The following GNAT3 variants were observed in gnomAD, a reference collection of about 807,000 sequenced individuals.
GNAT3 encodes guanine nucleotide-binding protein G(t) subunit alpha-3.
Under a neutral mutation model 37.7 loss-of-function variants are expected in GNAT3, and 31 were observed. The observed-to-expected ratio is 0.82, with a 90% confidence interval of 0.62 to 1.11. GNAT3 has a LOEUF of 1.11. GNAT3 is among the 50% of genes most tolerant of loss of function. The pLI, the probability that GNAT3 is intolerant of heterozygous loss-of-function variation, is 0.00. For synonymous variants in GNAT3, 138 were observed against 139.8 expected (o/e 0.99, Z 0.09); for missense variants, 437 against 412.5 (o/e 1.06, Z -0.51).
At chr7:80,471,577 C>T (rs919383454) in intron 5 of GNAT3, among the ~76,000 whole-genome samples, 1 of 151,902 alleles carries the variant, frequency 6.6e-6, no homozygotes, top group Non-Finnish European at 1.5e-5. Flanking sequence ...AAGATAGTTC[C>T]CCAAAAGGCT....
At chr7:80,490,796 G>A (rs111467128) in intron 2 of GNAT3, among the ~76,000 whole-genome samples, 2,867 of 152,266 alleles carry the variant, frequency 0.019, 82 homozygotes, top group African/African-American at 0.065. Flanking sequence ...CAGTTAGTTT[G>A]TGATACACCT....
chr7:80,458,851 T>C lies in GNAT3; in HGVS notation c.885A>G (p.Thr295=). 1 of 1,580,390 alleles carries C rather than the reference T, an allele frequency of 6.3e-7. No homozygotes were observed. Among genetic ancestry groups the C allele is most frequent in the South Asian group, 1.2e-5 (1 of 84,416 alleles). The change falls in exon 8 of 8, where the codon ACA becomes ACG. Residue 295 remains threonine, a synonymous_variant. Coordinates refer to ENST00000398291, the MANE Select transcript of GNAT3 (RefSeq NM_001102386.3). Reference sequence around the variant, plus strand: ...TGATGTAGTTTCCTGCATCTTCAAATGTATTTGGCCCTTGTTAAACAAAAT... The same window carrying C: ...TGATGTAGTTTCCTGCATCTTCAAACGTATTTGGCCCTTGTTAAACAAAAT... ...ICFPEYTGPN[T]FEDAGNYIKN...
chr7:80,502,421 A>G (rs1386051249), intron 1 of GNAT3, among the ~76,000 whole-genome samples: 8 of 152,084 alleles, frequency 5.3e-5, no homozygotes. Flanking sequence ...ACAAAATTAC[A>G]TGATTTTTCC....
At chr7:80,479,132 C>T (rs999844714) in intron 3 of GNAT3, 134 bp from the exon 4 acceptor site, 4 of 693,050 alleles carry the variant, frequency 5.8e-6, no homozygotes, top group Non-Finnish European at 6.9e-6. Flanking sequence ...TCTTTTTGAA[C>T]TATATTGAGG....
At chr7:80,466,419 A>C (rs1287492043) in intron 5 of GNAT3, among the ~76,000 whole-genome samples, 1 of 152,112 alleles carries the variant, frequency 6.6e-6, no homozygotes, top group Non-Finnish European at 1.5e-5. Flanking sequence ...TCACATCTTA[A>C]AAGTCTGAGA....
At chr7:80,469,950 T>C (rs1307503528) in intron 5 of GNAT3, among the ~76,000 whole-genome samples, 1 of 152,190 alleles carries the variant, frequency 6.6e-6, no homozygotes, top group African/African-American at 2.4e-5. Flanking sequence ...TAATTTTAAA[T>C]AGCTCCTCAA....
At chr7:80,470,852 A>T (rs907445312) in intron 5 of GNAT3, among the ~76,000 whole-genome samples, 1 of 151,834 alleles carries the variant, frequency 6.6e-6, no homozygotes, top group Non-Finnish European at 1.5e-5. Context: ...GTTATATTCT[A>T]CTCTGTGATG....
intron 3 of GNAT3, among the ~76,000 whole-genome samples, chr7:80,485,886 C>G (rs1790470119): frequency 6.6e-6 from 1 of 152,090 alleles, no homozygotes; most frequent in Non-Finnish European, 1.5e-5. Context: ...TCTGTGGAAG[C>G]AGACACTGAA....
At chr7:80,464,950 G>T (rs934443084) in intron 5 of GNAT3, among the ~76,000 whole-genome samples, 2 of 152,022 alleles carry the variant, frequency 1.3e-5, no homozygotes, top group Non-Finnish European at 2.9e-5. Context: ...TGTGTATAAA[G>T]AATATTATAT....
rs1464789004 is a variant in GNAT3 at position 80,462,208 on chromosome 7, T to G, written c.825A>C (p.Gln275His). The change falls in exon 7 of 8, where the codon CAA (glutamine) becomes CAC (histidine). Residue 275 changes from glutamine to histidine, a missense_variant. By Grantham distance (24) the Gln-to-His change is conservative. Transcript: ENST00000398291. ...TAAGATGCACCTTGGTTACCTTTTCTTGAAAGATATCTTTTTTGTTGAGGA... is the reference window on the plus strand; with the variant it reads ...TAAGATGCACCTTGGTTACCTTTTCGTGAAAGATATCTTTTTTGTTGAGGA... Reference protein sequence around the residue: ...VLFLNKKDIFQEKVTKVHLSI... With the variant: ...VLFLNKKDIFHEKVTKVHLSI... 2 of 1,601,896 alleles carry G rather than the reference T, an allele frequency of 1.2e-6. No individual in the cohort carries two copies. The highest frequency in any genetic ancestry group is 2.7e-5 in the African/African-American group (2 of 74,824).
chr7:80,466,027 G>C (rs910758953), intron 5 of GNAT3, among the ~76,000 whole-genome samples: 1 of 151,952 alleles, frequency 6.6e-6, no homozygotes, highest in Non-Finnish European at 1.5e-5. Context: ...CCCCACCCAC[G>C]GGGTTTTTAA....
intron 1 of GNAT3, among the ~76,000 whole-genome samples, chr7:80,501,307 C>G (rs1232999511): frequency 2.6e-5 from 4 of 151,950 alleles, no homozygotes; most frequent in Non-Finnish European, 5.9e-5. Context: ...TGTTTGCTTT[C>G]TTTCTCATAT....
In GNAT3 at chr7:80,494,630, T is replaced by C; in HGVS notation, c.136A>G (p.Lys46Glu). 1 of 1,528,932 alleles carries C rather than the reference T, an allele frequency of 6.5e-7. No homozygotes were observed. Among genetic ancestry groups the C allele is most frequent in the Non-Finnish European group, 9.0e-7 (1 of 1,116,442 alleles). 94.7% of individuals were successfully genotyped at this position (1,528,932 alleles called of 1,614,324 possible). A position where few individuals can be genotyped will look rare whatever the true frequency, so the allele number is the denominator to read the frequency against. ...LLLLGAGESG[K>E]STIVKQMKII... ...TTCATTTGTTTAACAATAGTACTTT[T>C]CCCAGATTCTCCTGCTCCTGCAACA... Residue 46 changes from lysine to glutamate, a missense_variant, in exon 2 of 8, where the codon AAA becomes GAA. Lys to Glu is a moderately conservative substitution (Grantham distance 56). Coordinates refer to ENST00000398291, the MANE Select transcript of GNAT3 (RefSeq NM_001102386.3).
intron 2 of GNAT3, among the ~76,000 whole-genome samples, chr7:80,489,940 C>T (rs761493616): frequency 6.3e-4 from 96 of 152,040 alleles, no homozygotes; most frequent in Non-Finnish European, 1.1e-3. Flanking sequence ...GATGAAGAAA[C>T]ATTTATCACA....
rs746000929 is a variant in GNAT3, at chr7:80,488,664, C to T, written c.174G>A (p.Lys58=). The T allele has an allele frequency of 6.4e-7, 1 of 1,574,708 alleles. No individual in the cohort carries two copies. Among genetic ancestry groups the T allele is most frequent in the South Asian group, 1.2e-5 (1 of 86,314 alleles). ...TGCATTCTTGCTCACTGTAACCATT[C>T]TTATGGATGATCCTATAATTTAAAC... ...TIVKQMKIIH[K]NGYSEQECME... is the part of the protein sequence containing the mutation. The change falls in exon 3 of 8, where the codon AAG becomes AAA. Residue 58 remains lysine, a synonymous_variant. Transcript: ENST00000398291.
At chr7:80,493,790 TTCC>T (rs1186317024) in intron 2 of GNAT3, among the ~76,000 whole-genome samples, 2 of 83,978 alleles carry the variant, frequency 2.4e-5, no homozygotes, top group East Asian at 6.3e-4. Flanking sequence ...CTCCACCTCT[TTCC>T]TCCTCCTCCT....
At chr7:80,501,874 GA>G (rs1038826761) in intron 1 of GNAT3, among the ~76,000 whole-genome samples, 39 of 151,970 alleles carry the variant, frequency 2.6e-4, no homozygotes, top group African/African-American at 8.9e-4. Context: ...CTGTGATACA[GA>G]AAAAATAAGC....
At chr7:80,479,458 G>A (rs1034280211) in intron 3 of GNAT3, among the ~76,000 whole-genome samples, 1 of 151,804 alleles carries the variant, frequency 6.6e-6, no homozygotes, top group Non-Finnish European at 1.5e-5. Context: ...GGTGGCTAAC[G>A]CCTATAATCC....
chr7:80,488,069 T>A (rs186688360), intron 3 of GNAT3, among the ~76,000 whole-genome samples: 132 of 151,848 alleles, frequency 8.7e-4, no homozygotes, highest in African/African-American at 2.5e-3. Flanking sequence ...AATTCTTTTT[T>A]AAAAAAAAAC....
Sources: gnomAD v4.1 joint callset for allele counts (sites outside exome capture counted in the v4.1 genomes callset) on GRCh38, gnomAD v4.1.1 for gene constraint, MANE v1.5 for transcripts, NCBI Gene and HGNC (gene_info 2026-07-23, HGNC 2026-07-21) for gene names.